Variants in WDR44 observed in about 807,000 individuals in gnomAD.
The protein encoded by WDR44 is WD repeat-containing protein 44.
A neutral mutation model predicts 65.7 loss-of-function variants in WDR44; 9 were observed. That is an observed-to-expected ratio of 0.14 (90% CI 0.08 to 0.24). WDR44 has a LOEUF of 0.24. Ranked by LOEUF, WDR44 falls within the 10% of genes least tolerant of loss-of-function variation. WDR44 has a pLI of 1.00. For missense variants in WDR44, 425 were observed against 670.9 expected (o/e 0.63, Z 4.05); for synonymous variants, 220 against 235.2 (o/e 0.94, Z 0.59).
rs1421218158 is a variant in WDR44 at position 118,346,564 on chromosome X, G to A, written c.61G>A (p.Gly21Ser). 1.7e-6 allele frequency: 2 copies of A among 1,196,079 alleles called. No homozygotes were observed. The highest frequency in any genetic ancestry group is 2.3e-6 in the Non-Finnish European group (2 of 887,028). The part of the protein sequence containing the change: ...YDAPEDVHLG[G>S]GYPVGSPGKV... Reference sequence around the variant, plus strand: ...TGCCCCTGAAGATGTGCACCTAGGGGGCGGCTACCCCGTGGGGTAAGTGAC... The same window carrying A: ...TGCCCCTGAAGATGTGCACCTAGGGAGCGGCTACCCCGTGGGGTAAGTGAC... The change falls in exon 1 of 20, where the codon GGC (glycine) becomes AGC (serine). Residue 21 changes from glycine to serine, a missense_variant. Gly to Ser is a moderately conservative substitution (Grantham distance 56, BLOSUM62 0). Around this residue, in one of 5 missense-constraint regions of WDR44, gnomAD observed 193 missense variants for 209.0 expected, o/e 0.92. Transcript: ENST00000254029.
chrX:118,446,307 G>A (rs1038344856), intron 19 of WDR44, among the ~76,000 whole-genome samples: 17 of 110,463 alleles, frequency 1.5e-4, no homozygotes, highest in African/African-American at 5.6e-4. Flanking sequence ...TATGGCAGGC[G>A]TTGTGGTATG....
intron 1 of WDR44, among the ~76,000 whole-genome samples, chrX:118,358,763 T>C (rs1292466230): frequency 2.7e-5 from 3 of 111,019 alleles, no homozygotes; most frequent in African/African-American, 9.8e-5. Flanking sequence ...TTTAATGTTT[T>C]AGGTAACTTA....
Position 118,387,271 on chromosome X carries a change from C to T in WDR44, c.112-69C>T, listed in dbSNP as rs368043880. The T allele has an allele frequency of 3.5e-4, 235 of 673,658 alleles. No individual in the cohort carries two copies. The African/African-American group carries it at 4.6e-3, about 13-fold the overall frequency. 55.5% of individuals were successfully genotyped at this position (673,658 alleles called of 1,213,427 possible). On this transcript the variant is annotated intron_variant, in intron 2 of 19. Coordinates refer to ENST00000254029, the MANE Select transcript of WDR44 (RefSeq NM_019045.5). ...TAATGCTACATTTTCTCATTTGTAC[C>T]CCTTTAAAGCATATTTTTAAAGAAA... is the stretch of plus-strand genomic sequence containing the variant.
At chrX:118,357,876 C>G (rs1461856114) in intron 1 of WDR44, among the ~76,000 whole-genome samples, 1 of 110,364 alleles carries the variant, frequency 9.1e-6, no homozygotes, top group Non-Finnish European at 1.9e-5. Flanking sequence ...GAGACCCCGA[C>G]TCTTAAAACA....
chrX:118,385,607 A>C (rs1194482889), intron 2 of WDR44, among the ~76,000 whole-genome samples: 1 of 111,138 alleles, frequency 9.0e-6, no homozygotes, highest in Non-Finnish European at 1.9e-5. Flanking sequence ...ACCCCATGAC[A>C]CAAGTTTACC....
At chrX:118,359,262 A>C (rs1354376539) in intron 1 of WDR44, among the ~76,000 whole-genome samples, 2 of 112,273 alleles carry the variant, frequency 1.8e-5, no homozygotes, top group African/African-American at 6.5e-5. Context: ...AATTACTTTA[A>C]GTCATTAATA....
intron 8 of WDR44, among the ~76,000 whole-genome samples, chrX:118,404,024 G>A (rs373007679): frequency 2.7e-5 from 3 of 111,949 alleles, no homozygotes; most frequent in East Asian, 2.8e-4. Context: ...GGATGGAGCT[G>A]AAGTACCTAC....
chrX:118,359,883 T>G (rs2056496269), intron 1 of WDR44, among the ~76,000 whole-genome samples: 1 of 112,376 alleles, frequency 8.9e-6, no homozygotes, highest in Admixed American at 9.5e-5. Flanking sequence ...TTCTCAGCTT[T>G]TTGTGAATGT....
chrX:118,443,417 A>T, intron 17 of WDR44, 143 bp from the exon 18 acceptor site: 1 of 679,724 alleles, frequency 1.5e-6, no homozygotes, highest in Non-Finnish European at 2.2e-6. Flanking sequence ...GAACATCTAG[A>T]GTGAGACCAT....
intron 1 of WDR44, among the ~76,000 whole-genome samples, chrX:118,369,392 C>T (rs1018660001): frequency 9.4e-6 from 1 of 106,195 alleles, no homozygotes; most frequent in African/African-American, 3.4e-5. Context: ...AGGGTGGTCT[C>T]GATCTCCTGA....
At chrX:118,364,321 T>C (rs1392269976) in intron 1 of WDR44, among the ~76,000 whole-genome samples, 11 of 112,029 alleles carry the variant, frequency 9.8e-5, no homozygotes, top group African/African-American at 1.6e-4. Context: ...TGTAGTCTTA[T>C]ATAATTTTGT....
chrX:118,432,945 A>G (rs778245118), intron 13 of WDR44, 51 bp downstream of exon 13: 1 of 1,070,488 alleles, frequency 9.3e-7, no homozygotes, highest in Non-Finnish European at 1.3e-6. Context: ...TAAGGAGCTG[A>G]TGCTGTAGTC....
At chrX:118,390,359 G>A (rs1456671825) in intron 3 of WDR44, among the ~76,000 whole-genome samples, 2 of 111,556 alleles carry the variant, frequency 1.8e-5, no homozygotes, top group African/African-American at 6.5e-5. Flanking sequence ...GGCACCATAA[G>A]AAGGTGTCAT....
At chrX:118,376,731 C>T (rs1351766885) in intron 1 of WDR44, among the ~76,000 whole-genome samples, 2 of 111,304 alleles carry the variant, frequency 1.8e-5, no homozygotes, top group South Asian at 3.8e-4. Context: ...AGGCTGGGTG[C>T]GGTGGCTCCC....
intron 12 of WDR44, among the ~76,000 whole-genome samples, chrX:118,426,356 G>A (rs4825380): frequency 0.27 from 29,422 of 110,477 alleles, 3,171 homozygotes; most frequent in African/African-American, 0.39. Context: ...ATATTATATG[G>A]AGTTCATTAT....
At chrX:118,389,636 G>A (rs1393719699) in intron 3 of WDR44, among the ~76,000 whole-genome samples, 2 of 102,700 alleles carry the variant, frequency 1.9e-5, no homozygotes, top group Non-Finnish European at 3.9e-5. Context: ...CAGGAGAATC[G>A]CTTGAACCTG....
intron 1 of WDR44, among the ~76,000 whole-genome samples, chrX:118,356,336 G>A (rs926978321): frequency 9.0e-6 from 1 of 110,718 alleles, no homozygotes; most frequent in African/African-American, 3.3e-5. Flanking sequence ...CAGGATATGA[G>A]CCATTGCTGA....
At chrX:118,383,616 A>G (rs2056738302) in intron 2 of WDR44, among the ~76,000 whole-genome samples, 1 of 111,063 alleles carries the variant, frequency 9.0e-6, no homozygotes, top group African/African-American at 3.3e-5. Flanking sequence ...TTTCTCTAAT[A>G]TGCATTAACT....
chrX:118,347,279 A>G (rs1170286922), intron 1 of WDR44, among the ~76,000 whole-genome samples: 1 of 112,389 alleles, frequency 8.9e-6, no homozygotes, highest in Non-Finnish European at 1.9e-5. Context: ...CTGCAGAGGG[A>G]CAAACAAGTG....
Sources: allele counts gnomAD v4.1 joint callset (sites outside exome capture counted in the v4.1 genomes callset), GRCh38; gene constraint gnomAD v4.1.1; regional missense constraint gnomAD v4.1.1; transcripts MANE v1.5; gene names NCBI Gene and HGNC (gene_info 2026-07-23, HGNC 2026-07-21).